MYZAP: variants seen among roughly 807,000 people sequenced by gnomAD.
MYZAP encodes myocardial zonula adherens protein.
Under a neutral mutation model 69.4 loss-of-function variants are expected in MYZAP, and 66 were observed. That is an observed-to-expected ratio of 0.95 (90% CI 0.78 to 1.17). The LOEUF is 1.17. MYZAP is among the 50% of genes most tolerant of loss of function. MYZAP has a pLI of 0.00. For missense variants in MYZAP, 611 were observed against 556.2 expected (o/e 1.10, Z -0.99); for synonymous variants, 256 against 205.9 (o/e 1.24, Z -2.09).
intron 2 of MYZAP, among the ~76,000 whole-genome samples, chr15:57,612,195 A>C (rs2035148948): frequency 6.6e-6 from 1 of 152,158 alleles, no homozygotes; most frequent in African/African-American, 2.4e-5. Flanking sequence ...TGGAGAAAAG[A>C]GGTCTGAAGT....
chr15:57,613,448 G>A (rs2035239847), intron 2 of MYZAP, among the ~76,000 whole-genome samples: 1 of 152,006 alleles, frequency 6.6e-6, no homozygotes, highest in Non-Finnish European at 1.5e-5. Context: ...ACAGCTTACT[G>A]TAGCCTCAAC....
intron 1 of MYZAP, among the ~76,000 whole-genome samples, chr15:57,592,596 C>T (rs1028782653): frequency 5.9e-5 from 9 of 152,126 alleles, no homozygotes; most frequent in South Asian, 2.1e-4. Context: ...GAACAGCAGC[C>T]GGCCGCCCAG....
intron 8 of MYZAP, among the ~76,000 whole-genome samples, chr15:57,634,440 T>C (rs2036692706): frequency 6.6e-6 from 1 of 152,174 alleles, no homozygotes; most frequent in South Asian, 2.1e-4. Context: ...CCTGGCTGCA[T>C]ATGAGTTTGC....
chr15:57,677,608 T>G (rs1047096556), intron 12 of MYZAP, among the ~76,000 whole-genome samples: 1 of 152,230 alleles, frequency 6.6e-6, no homozygotes, highest in African/African-American at 2.4e-5. Context: ...CCAGAATGTT[T>G]TTTAGATTTT....
At chr15:57,598,510 G>A (rs1175311674) in intron 1 of MYZAP, among the ~76,000 whole-genome samples, 1 of 152,176 alleles carries the variant, frequency 6.6e-6, no homozygotes, top group African/African-American at 2.4e-5. Flanking sequence ...AGTGGTGACG[G>A]TACAAAGCTT....
chr15:57,619,972 C>T (rs2035709785), intron 3 of MYZAP, among the ~76,000 whole-genome samples: 1 of 152,164 alleles, frequency 6.6e-6, no homozygotes, highest in Admixed American at 6.5e-5. Context: ...CAGGTCCCTC[C>T]TGCCATAGGT....
intron 1 of MYZAP, among the ~76,000 whole-genome samples, chr15:57,601,636 A>G (rs2034419314): frequency 1.3e-5 from 2 of 152,140 alleles, no homozygotes; most frequent in Non-Finnish European, 2.9e-5. Context: ...TGGCCCCACA[A>G]GAGGCAATGA....
chr15:57,613,081 G>A (rs8024865), intron 2 of MYZAP, among the ~76,000 whole-genome samples: 9,870 of 151,524 alleles, frequency 0.065, 854 homozygotes, highest in African/African-American at 0.2. Context: ...ACAGGCGCCT[G>A]CCACCACGCC....
intron 2 of MYZAP, among the ~76,000 whole-genome samples, chr15:57,605,706 G>A (rs2034699732): frequency 6.6e-6 from 1 of 152,152 alleles, no homozygotes; most frequent in South Asian, 2.1e-4. Context: ...TAAAAAGAGT[G>A]GATGAGTTCC....
chr15:57,679,365 TG>T (rs2039309675), intron 12 of MYZAP, among the ~76,000 whole-genome samples: 9 of 42,074 alleles, frequency 2.1e-4, no homozygotes, highest in Admixed American at 1.1e-3. Flanking sequence ...TGTGTGTGTG[TG>T]TGTGTGTGTT....
At chr15:57,592,838 C>T (rs1000217606) in intron 1 of MYZAP, among the ~76,000 whole-genome samples, 1 of 152,144 alleles carries the variant, frequency 6.6e-6, no homozygotes, top group Non-Finnish European at 1.5e-5. Flanking sequence ...ACCTTAGAGC[C>T]ACAGCCAGGG....
chr15:57,648,361 G>C (rs572373672), intron 10 of MYZAP: 2 of 985,376 alleles, frequency 2.0e-6, no homozygotes, highest in Non-Finnish European at 1.2e-6. Context: ...AATTGACTTT[G>C]AACTGTTTCT....
chr15:57,650,520 A>C (rs1279699309), intron 10 of MYZAP, among the ~76,000 whole-genome samples: 1 of 152,218 alleles, frequency 6.6e-6, no homozygotes, highest in South Asian at 2.1e-4. Context: ...GAGTAAATTC[A>C]GTCTGCTTTT....
At chr15:57,622,678 G>T (rs913430710) in intron 4 of MYZAP, among the ~76,000 whole-genome samples, 1 of 152,166 alleles carries the variant, frequency 6.6e-6, no homozygotes, top group Non-Finnish European at 1.5e-5. Context: ...CTTATGTGCT[G>T]TTGGAAGTCT....
chr15:57,660,996 T>C (rs377432831), intron 10 of MYZAP, among the ~76,000 whole-genome samples: 1 of 152,238 alleles, frequency 6.6e-6, no homozygotes, highest in African/African-American at 2.4e-5. Context: ...ATGAATGTAT[T>C]GAATAACACA....
intron 10 of MYZAP, among the ~76,000 whole-genome samples, chr15:57,661,249 G>A (rs770434050): frequency 1.3e-5 from 2 of 152,088 alleles, no homozygotes; most frequent in Admixed American, 6.5e-5. Context: ...GGAGCGTCTC[G>A]CGTTAATACT....
chr15:57,593,371 A>G (rs143494873), intron 1 of MYZAP, among the ~76,000 whole-genome samples: 1 of 152,192 alleles, frequency 6.6e-6, no homozygotes, highest in Non-Finnish European at 1.5e-5. Flanking sequence ...TTCTATGGAA[A>G]TCTTTCTCAA....
At chr15:57,658,066 A>G (rs564147391) in intron 10 of MYZAP, among the ~76,000 whole-genome samples, 5 of 152,304 alleles carry the variant, frequency 3.3e-5, no homozygotes, top group African/African-American at 1.2e-4. Context: ...TTCATGTCAA[A>G]GGATTACATT....
At chr15:57,618,453 T>C (rs1364249357) in intron 3 of MYZAP, among the ~76,000 whole-genome samples, 1 of 152,196 alleles carries the variant, frequency 6.6e-6, no homozygotes, top group Non-Finnish European at 1.5e-5. Flanking sequence ...CCTCCTTCCG[T>C]GTAGGGTTTG....
Sources: gnomAD v4.1 joint callset for allele counts (sites outside exome capture counted in the v4.1 genomes callset) on GRCh38, gnomAD v4.1.1 for gene constraint, MANE v1.5 for transcripts, NCBI Gene and HGNC (gene_info 2026-07-23, HGNC 2026-07-21) for gene names.